Variants in CACNA2D1 observed in about 807,000 individuals in gnomAD.
CACNA2D1 encodes calcium voltage-gated channel auxiliary subunit alpha2delta 1, also known as voltage-dependent calcium channel subunit alpha-2/delta-1.
In CACNA2D1, 53 loss-of-function variants were observed where a neutral mutation model predicts 171.5. The observed-to-expected ratio is 0.31, with a 90% CI of 0.25 to 0.39. The LOEUF (loss-of-function observed/expected upper bound fraction) is 0.39, where lower values mean the gene tolerates loss of function less well. Ranked by LOEUF, CACNA2D1 falls within the 10% of genes least tolerant of loss-of-function variation. The pLI is 1.00. For synonymous variants in CACNA2D1, 442 were observed against 443.1 expected (o/e 1.00, Z 0.03); for missense variants, 903 against 1,299.8 (o/e 0.69, Z 4.69).
chr7:82,264,634 A>G (rs1350382671), intron 3 of CACNA2D1, among the ~76,000 whole-genome samples: 3 of 152,202 alleles, frequency 2.0e-5, no homozygotes, highest in African/African-American at 7.2e-5. Flanking sequence ...AGAGAAATGA[A>G]GAAAGAAAAG....
At chr7:82,300,415 A>C (rs1812851935) in intron 3 of CACNA2D1, among the ~76,000 whole-genome samples, 1 of 152,160 alleles carries the variant, frequency 6.6e-6, no homozygotes, top group Non-Finnish European at 1.5e-5. Flanking sequence ...AAAATTTGAA[A>C]AGCTCTTTCA....
intron 3 of CACNA2D1, among the ~76,000 whole-genome samples, chr7:82,245,224 A>T (rs2129302502): frequency 6.6e-6 from 1 of 152,294 alleles, no homozygotes; most frequent in South Asian, 2.1e-4. Context: ...CAGCCATGGA[A>T]TATTAAGGTT....
At chr7:82,036,010 T>G (rs1260291867) in intron 11 of CACNA2D1, among the ~76,000 whole-genome samples, 1 of 152,158 alleles carries the variant, frequency 6.6e-6, no homozygotes, top group East Asian at 1.9e-4. Flanking sequence ...GTCTATTAAA[T>G]AACATGACCT....
At chr7:81,952,234 G>T (rs1337390815) in intron 38 of CACNA2D1, among the ~76,000 whole-genome samples, 1 of 151,514 alleles carries the variant, frequency 6.6e-6, no homozygotes, top group Non-Finnish European at 1.5e-5. Context: ...CAAGGTAGAT[G>T]TTCTAAGAAT....
chr7:82,322,403 T>C (rs1816089857), intron 3 of CACNA2D1, among the ~76,000 whole-genome samples: 1 of 131,836 alleles, frequency 7.6e-6, no homozygotes, highest in Non-Finnish European at 1.5e-5. Flanking sequence ...TCCCCTGAAG[T>C]CAAGAGTTTG....
chr7:82,064,249 T>C (rs1807326663), intron 9 of CACNA2D1, 55 bp downstream of exon 9: 2 of 1,221,432 alleles, frequency 1.6e-6, no homozygotes, highest in Admixed American at 3.4e-5. Flanking sequence ...ACTACTGTTA[T>C]CTACAAATCC....
Position 82,023,583 on chromosome 7 carries a change from G to GT in CACNA2D1, c.1144-9105dup, listed in dbSNP as rs35248241. 3.1e-3 allele frequency among the ~76,000 whole-genome samples: 451 copies of GT among 146,960 alleles called. 2 individuals are homozygous for GT. The highest frequency in any genetic ancestry group is 8.8e-3 in the African/African-American group (357 of 40,646). ...GGCTTGGGGGAAAACAAAGAGTTAGGTTTTTTTTTTTAAGCTCACCAAACT... is the reference window on the plus strand; with the variant it reads ...GGCTTGGGGGAAAACAAAGAGTTAGGTTTTTTTTTTTTAAGCTCACCAAACT... On this transcript the variant is annotated intron_variant, in intron 12 of 38. Coordinates refer to ENST00000356860, the MANE Select transcript of CACNA2D1 (RefSeq NM_000722.4).
intron 4 of CACNA2D1, among the ~76,000 whole-genome samples, chr7:82,139,554 C>T (rs937889273): frequency 6.6e-6 from 1 of 152,110 alleles, no homozygotes; most frequent in African/African-American, 2.4e-5. Context: ...AACTCTGAAA[C>T]TCTATGTTGC....
chr7:82,221,030 G>A (rs1563219222), intron 3 of CACNA2D1, among the ~76,000 whole-genome samples: 1 of 152,092 alleles, frequency 6.6e-6, no homozygotes, highest in Non-Finnish European at 1.5e-5. Context: ...CCCACCTTGG[G>A]TTCCCAAAGT....
chr7:82,049,067 ACCTTCTT>A (rs1227946868), intron 10 of CACNA2D1, among the ~76,000 whole-genome samples: 1 of 149,378 alleles, frequency 6.7e-6, no homozygotes, highest in Non-Finnish European at 1.5e-5. Flanking sequence ...ACTTGTCAAC[ACCTTCTT>A]ATAAACTCTC....
intron 38 of CACNA2D1, among the ~76,000 whole-genome samples, chr7:81,955,993 T>A (rs1232079811): frequency 6.4e-4 from 88 of 137,874 alleles, no homozygotes; most frequent in Middle Eastern, 3.4e-3. Flanking sequence ...TTTTTTTTTT[T>A]TTTTTTTTTT....
At chr7:82,229,452 T>C (rs926093107) in intron 3 of CACNA2D1, among the ~76,000 whole-genome samples, 2 of 152,120 alleles carry the variant, frequency 1.3e-5, no homozygotes, top group African/African-American at 4.8e-5. Context: ...TTACACAGAA[T>C]AGTCAGAGCT....
chr7:82,061,344 C>T (rs1806885672), intron 9 of CACNA2D1, among the ~76,000 whole-genome samples: 1 of 152,094 alleles, frequency 6.6e-6, no homozygotes, highest in Admixed American at 6.6e-5. Flanking sequence ...CTATGGTCCC[C>T]TCTCCATCCT....
intron 3 of CACNA2D1, among the ~76,000 whole-genome samples, chr7:82,234,452 C>T (rs987992599): frequency 3.9e-5 from 5 of 129,210 alleles, no homozygotes; most frequent in Admixed American, 1.6e-4. Flanking sequence ...TCAGCCTGAA[C>T]AGTTACCTAT....
chr7:82,223,450 G>A (rs1339990455), intron 3 of CACNA2D1, among the ~76,000 whole-genome samples: 2 of 152,088 alleles, frequency 1.3e-5, no homozygotes, highest in South Asian at 2.1e-4. Context: ...CTAGCAAAGC[G>A]ATTGACATAC....
intron 10 of CACNA2D1, among the ~76,000 whole-genome samples, chr7:82,053,700 T>C (rs942087800): frequency 1.3e-5 from 2 of 151,474 alleles, no homozygotes; most frequent in Non-Finnish European, 3.0e-5. Flanking sequence ...TTCCTGATTA[T>C]TTATCTTTTA....
At chr7:82,179,768 A>G (rs1796922888) in intron 3 of CACNA2D1, among the ~76,000 whole-genome samples, 1 of 152,156 alleles carries the variant, frequency 6.6e-6, no homozygotes, top group Non-Finnish European at 1.5e-5. Context: ...TGCATATATC[A>G]TTTTGTATTA....
Position 82,074,153 on chromosome 7 carries a change from C to T in CACNA2D1, c.659-7629G>A, listed in dbSNP as rs569090426. Among the ~76,000 whole-genome samples the T allele has an allele frequency of 1.4e-4, 22 of 152,238 alleles. No individual in the cohort carries two copies. The East Asian group carries it at 4.2e-3, about 29-fold the overall frequency. On this transcript the variant is annotated intron_variant, in intron 7 of 38. Transcript: ENST00000356860. The stretch of plus-strand genomic sequence containing the variant: ...AATGTCATGGTAAGAGAGCCAGATG[C>T]CATTAACTAGACAATGCCAGCTTGT...
chr7:82,434,111 G>A (rs1268439270), intron 1 of CACNA2D1, among the ~76,000 whole-genome samples: 1 of 152,208 alleles, frequency 6.6e-6, no homozygotes, highest in Non-Finnish European at 1.5e-5. Flanking sequence ...AGAAAGAGAA[G>A]AAAGAAGTGA....
Sources: allele counts gnomAD v4.1 joint callset (sites outside exome capture counted in the v4.1 genomes callset), GRCh38; gene constraint gnomAD v4.1.1; transcripts MANE v1.5; gene names NCBI Gene and HGNC (gene_info 2026-07-23, HGNC 2026-07-21).